Variants in LYRM4 observed in about 807,000 individuals in gnomAD.
LYRM4 encodes the protein LYR motif-containing protein 4.
A neutral mutation model predicts 11.7 loss-of-function variants in LYRM4; 9 were observed. The ratio of observed to expected loss-of-function variants is 0.77; its 90% CI spans 0.46 to 1.34. LYRM4 has a LOEUF of 1.34. Ranked by LOEUF, LYRM4 falls within the 40% of genes most tolerant of loss-of-function variation. The pLI, the probability that LYRM4 is intolerant of heterozygous loss-of-function variation, is 0.00. For synonymous variants in LYRM4, 42 were observed against 40.4 expected (o/e 1.04, Z -0.15); for missense variants, 133 against 112.5 (o/e 1.18, Z -0.82).
intron 2 of LYRM4, among the ~76,000 whole-genome samples, chr6:5,121,032 A>T (rs1423625885): frequency 6.6e-6 from 1 of 152,174 alleles, no homozygotes; most frequent in African/African-American, 2.4e-5. Flanking sequence ...AGCGTCCCTG[A>T]ATGAGAAGCA....
chr6:5,179,065 C>CAAAAAAAAAAAA (rs58749743), intron 2 of LYRM4, among the ~76,000 whole-genome samples: 142 of 103,724 alleles, frequency 1.4e-3, no homozygotes, highest in Middle Eastern at 6.0e-3. Context: ...ACCAAAAAAA[C>CAAAAAAAAAAAA]AAAAAAAAAA....
At chr6:5,104,914 G>A (rs941010688), downstream of LYRM4, 7 of 152,198 alleles carry the variant, frequency 4.6e-5, no homozygotes, top group Admixed American at 4.6e-4. Flanking sequence ...CCATCTGTAG[G>A]ACACGTGATG....
At chr6:5,162,151 T>C (rs1758797243) in intron 2 of LYRM4, among the ~76,000 whole-genome samples, 2 of 152,218 alleles carry the variant, frequency 1.3e-5, no homozygotes, top group African/African-American at 2.4e-5. Flanking sequence ...CCACCAAGGC[T>C]GTCAACCCTG....
rs991333380 is a variant in LYRM4 at position 5,138,452 on chromosome 6, C to T, written c.208-28961G>A. Among the ~76,000 whole-genome samples, 2 of 117,248 alleles carry T rather than the reference C, an allele frequency of 1.7e-5. 1 individual carries two copies. Among genetic ancestry groups the T allele is most frequent in the African/African-American group, 6.6e-5 (2 of 30,506 alleles). The allele number at this position is 117,248 out of a possible 152,430, so 76.9% of individuals were successfully genotyped here. On this transcript the variant is annotated intron_variant, in intron 2 of 2. Transcript: ENST00000330636. ...GAGAGCCGTAATCATGCCAACTGTA[C>T]TTCAGCCTGGGCCAACAGAGTGAGA...
the LYRM4 span, among the ~76,000 whole-genome samples, chr6:5,077,593 C>G: frequency 1.3e-5 from 2 of 152,146 alleles, no homozygotes; most frequent in African/African-American, 4.8e-5. Context: ...TTTTAAAAAA[C>G]TATGAAATAT....
intron 1 of LYRM4, among the ~76,000 whole-genome samples, chr6:5,242,617 G>A (rs989696952): frequency 6.6e-6 from 1 of 151,390 alleles, no homozygotes; most frequent in Non-Finnish European, 1.5e-5. Context: ...ATACTCGGGA[G>A]GCTGAGGCAG....
chr6:5,110,202 G>T (rs1762815678), intron 2 of LYRM4, among the ~76,000 whole-genome samples: 1 of 152,060 alleles, frequency 6.6e-6, no homozygotes, highest in Non-Finnish European at 1.5e-5. Context: ...AAGAACAAGT[G>T]GAATGGGTGA....
chr6:5,131,879 G>T (rs1369789193), intron 2 of LYRM4, among the ~76,000 whole-genome samples: 1 of 152,182 alleles, frequency 6.6e-6, no homozygotes, highest in Non-Finnish European at 1.5e-5. Flanking sequence ...AGAAGCAGCA[G>T]GATACAACTC....
intron 2 of LYRM4, among the ~76,000 whole-genome samples, chr6:5,213,007 T>C (rs1762064455): frequency 6.6e-6 from 1 of 152,208 alleles, no homozygotes; most frequent in Non-Finnish European, 1.5e-5. Context: ...GAATGAAGAC[T>C]GAAGATCTTG....
chr6:5,233,079 C>T (rs1250204667), intron 1 of LYRM4, among the ~76,000 whole-genome samples: 2 of 152,216 alleles, frequency 1.3e-5, no homozygotes, highest in African/African-American at 4.8e-5. Flanking sequence ...AAGCCCCATC[C>T]CCAGCATTCA....
At chr6:5,056,711 A>G in the LYRM4 span, among the ~76,000 whole-genome samples, 1 of 152,218 alleles carries the variant, frequency 6.6e-6, no homozygotes, top group Non-Finnish European at 1.5e-5. Context: ...TTTTTCCTTC[A>G]AAGTTCAGAT....
chr6:5,119,536 C>T (rs997789632), intron 2 of LYRM4, among the ~76,000 whole-genome samples: 1 of 152,088 alleles, frequency 6.6e-6, no homozygotes, highest in Non-Finnish European at 1.5e-5. Flanking sequence ...CCTGTGATCC[C>T]ACCACTTTGG....
At chr6:5,215,258 AAAGT>A (rs1272911334) in intron 2 of LYRM4, among the ~76,000 whole-genome samples, 2 of 152,230 alleles carry the variant, frequency 1.3e-5, no homozygotes, top group Non-Finnish European at 2.9e-5. Flanking sequence ...GAGTTTATGC[AAAGT>A]AAGAACTCAG....
chr6:5,140,082 A>G (rs1047052241), intron 2 of LYRM4, among the ~76,000 whole-genome samples: 1 of 151,256 alleles, frequency 6.6e-6, no homozygotes, highest in Non-Finnish European at 1.5e-5. Context: ...AAAATACAAA[A>G]ATTAGTGGGG....
At chr6:5,159,958 C>A (rs948773241) in intron 2 of LYRM4, among the ~76,000 whole-genome samples, 2 of 152,150 alleles carry the variant, frequency 1.3e-5, no homozygotes, top group African/African-American at 4.8e-5. Context: ...TGTTTTTCTT[C>A]CATTTTAGTT....
intron 2 of LYRM4, among the ~76,000 whole-genome samples, chr6:5,160,214 T>A (rs1758669550): frequency 6.6e-6 from 1 of 152,198 alleles, no homozygotes; most frequent in South Asian, 2.1e-4. Flanking sequence ...AGTAGCAAAC[T>A]GGTAGAATTT....
intron 1 of LYRM4, among the ~76,000 whole-genome samples, chr6:5,219,969 G>A (rs552994631): frequency 6.6e-6 from 1 of 152,280 alleles, no homozygotes; most frequent in East Asian, 1.9e-4. Flanking sequence ...AAACAGTGAG[G>A]TGATGATGCT....
intron 2 of LYRM4, among the ~76,000 whole-genome samples, chr6:5,129,461 C>G (rs4960067): frequency 0.3 from 46,002 of 151,996 alleles, 7,359 homozygotes; most frequent in South Asian, 0.39. Flanking sequence ...GTTGCTTAGC[C>G]TGGGGTGCCT....
intron 1 of LYRM4, among the ~76,000 whole-genome samples, chr6:5,237,484 A>G (rs1763618692): frequency 6.6e-6 from 1 of 152,016 alleles, no homozygotes; most frequent in Admixed American, 6.5e-5. Context: ...ATATAGTACA[A>G]TGTAATAAAC....
Sources: allele counts gnomAD v4.1 joint callset (sites outside exome capture counted in the v4.1 genomes callset), GRCh38; gene constraint gnomAD v4.1.1; transcripts MANE v1.5; gene names NCBI Gene and HGNC (gene_info 2026-07-23, HGNC 2026-07-21).